OR56A3: variants seen among roughly 807,000 people sequenced by gnomAD.
The protein encoded by OR56A3 is olfactory receptor 56A3.
In OR56A3, 23 loss-of-function variants were observed where a neutral mutation model predicts 17.5. The observed-to-expected ratio is 1.32, with a 90% CI of 0.95 to 1.87. The LOEUF is 1.87. Among genes scored for constraint, OR56A3 ranks in the 40% most tolerant of loss-of-function variants. The probability of loss-of-function intolerance (pLI) is 0.00; values close to 1 mark genes in which losing one functional copy is unlikely to be tolerated. For missense variants in OR56A3, 366 were observed against 380.1 expected (o/e 0.96, Z 0.31); for synonymous variants, 175 against 150.6 (o/e 1.16, Z -1.19).
chr11:5,944,433 C>T (rs1303489560), intron 1 of OR56A3, among the ~76,000 whole-genome samples: 3 of 152,056 alleles, frequency 2.0e-5, no homozygotes, highest in Non-Finnish European at 2.9e-5. Context: ...TGAAAAACAG[C>T]CCTTAGAATT....
At chr11:5,942,866 C>T (rs562991822) in intron 1 of OR56A3, among the ~76,000 whole-genome samples, 7 of 152,252 alleles carry the variant, frequency 4.6e-5, no homozygotes, top group Non-Finnish European at 1.0e-4. Flanking sequence ...ACCCTAGCAA[C>T]TCTTTTACTT....
chr11:5,962,235 G>A, the OR56A3 span, among the ~76,000 whole-genome samples: 1 of 152,126 alleles, frequency 6.6e-6, no homozygotes, highest in Non-Finnish European at 1.5e-5. Flanking sequence ...TGCATCTCTG[G>A]ATTGGATCTC....
the OR56A3 span, among the ~76,000 whole-genome samples, chr11:5,983,025 G>C: frequency 6.6e-6 from 1 of 152,088 alleles, no homozygotes; most frequent in South Asian, 2.1e-4. Context: ...CAGTATTCTT[G>C]ATGGTTTTGT....
the OR56A3 span, among the ~76,000 whole-genome samples, chr11:5,992,319 G>A: frequency 6.6e-6 from 1 of 152,144 alleles, no homozygotes; most frequent in Non-Finnish European, 1.5e-5. Flanking sequence ...AATGACTGCT[G>A]ATATAAGAAT....
downstream of OR56A3, among the ~76,000 whole-genome samples, chr11:5,954,908 TG>T (rs1223490480): frequency 2.0e-5 from 3 of 152,100 alleles, no homozygotes; most frequent in East Asian, 5.8e-4. Context: ...AGTTGGAATT[TG>T]TAAAGCAAAA....
At chr11:6,011,853 G>A in the OR56A3 span, among the ~76,000 whole-genome samples, 1 of 152,190 alleles carries the variant, frequency 6.6e-6, no homozygotes, top group South Asian at 2.1e-4. Flanking sequence ...GCCACGGGCA[G>A]ACAGATTCAG....
chr11:5,960,548 C>G, the OR56A3 span, among the ~76,000 whole-genome samples: 5 of 152,216 alleles, frequency 3.3e-5, no homozygotes, highest in Non-Finnish European at 7.3e-5. Flanking sequence ...GACGGAGTCT[C>G]GCTCACTCAG....
At chr11:5,993,938 G>T in the OR56A3 span, 1 of 457,230 alleles carries the variant, frequency 2.2e-6, no homozygotes, top group South Asian at 1.6e-5. Flanking sequence ...TCTGTGGCGG[G>T]TGGTAGTCTT....
chr11:6,013,020 C>A, the OR56A3 span, among the ~76,000 whole-genome samples: 2 of 152,220 alleles, frequency 1.3e-5, no homozygotes, highest in Non-Finnish European at 2.9e-5. Flanking sequence ...CTTCCTGAGC[C>A]CCCAAGAGCG....
chr11:5,961,198 C>T, the OR56A3 span, among the ~76,000 whole-genome samples: 2 of 152,074 alleles, frequency 1.3e-5, no homozygotes, highest in East Asian at 1.9e-4. Context: ...CCGGCCACCC[C>T]GTCTGGAAAG....
the OR56A3 span, among the ~76,000 whole-genome samples, chr11:5,992,194 T>C: frequency 6.6e-6 from 1 of 152,222 alleles, no homozygotes; most frequent in Non-Finnish European, 1.5e-5. Context: ...GTGCTCATTC[T>C]TTCAGATGCT....
chr11:5,955,661 C>T (rs943548000), downstream of OR56A3, among the ~76,000 whole-genome samples: 1 of 152,136 alleles, frequency 6.6e-6, no homozygotes, highest in Non-Finnish European at 1.5e-5. Context: ...CTGGTTCTTC[C>T]CTTGGGATGG....
the OR56A3 span, among the ~76,000 whole-genome samples, chr11:5,980,606 T>C: frequency 7.6e-3 from 1,162 of 152,292 alleles, 15 homozygotes; most frequent in African/African-American, 0.026. Context: ...GAAGACAGCA[T>C]ATAGTTGGGT....
the OR56A3 span, among the ~76,000 whole-genome samples, chr11:5,987,824 T>C: frequency 2.6e-5 from 4 of 152,134 alleles, no homozygotes; most frequent in Non-Finnish European, 5.9e-5. Flanking sequence ...ACCTGGACTA[T>C]TTCATAACAT....
chr11:6,001,138 T>C, the OR56A3 span: 3 of 152,168 alleles, frequency 2.0e-5, no homozygotes, highest in African/African-American at 4.8e-5. Flanking sequence ...CCTAGAACTT[T>C]CATGTCTGGG....
At chr11:5,944,056 C>T (rs1239945075) in intron 1 of OR56A3, among the ~76,000 whole-genome samples, 1 of 152,046 alleles carries the variant, frequency 6.6e-6, no homozygotes, top group Non-Finnish European at 1.5e-5. Flanking sequence ...AACATAGTGC[C>T]CAGGGCATGA....
At chr11:5,965,118 T>A in the OR56A3 span, among the ~76,000 whole-genome samples, 1 of 152,186 alleles carries the variant, frequency 6.6e-6, no homozygotes, top group Non-Finnish European at 1.5e-5. Context: ...CACTAGAGAA[T>A]CCTATTCCAA....
At chr11:5,961,557 G>C in the OR56A3 span, among the ~76,000 whole-genome samples, 3 of 151,948 alleles carry the variant, frequency 2.0e-5, no homozygotes, top group Middle Eastern at 3.2e-3. Flanking sequence ...CAGCATACTC[G>C]TTAAGAGTCA....
the OR56A3 span, among the ~76,000 whole-genome samples, chr11:6,005,814 C>T: frequency 1.3e-5 from 2 of 152,086 alleles, no homozygotes; most frequent in African/African-American, 4.8e-5. Context: ...AACCATAAGC[C>T]CTCATAATTT....
Sources: gnomAD v4.1 joint callset for allele counts (sites outside exome capture counted in the v4.1 genomes callset) on GRCh38, gnomAD v4.1.1 for gene constraint, MANE v1.5 for transcripts, NCBI Gene and HGNC (gene_info 2026-07-23, HGNC 2026-07-21) for gene names.